FGF12: variants seen among roughly 807,000 people sequenced by gnomAD.
The protein encoded by FGF12 is fibroblast growth factor 12, also known as fibroblast growth factor 12B.
Under a neutral mutation model 23.6 loss-of-function variants are expected in FGF12, and 14 were observed. That is an observed-to-expected ratio of 0.59 (90% CI 0.39 to 0.93). The LOEUF (loss-of-function observed/expected upper bound fraction) is 0.93, where lower values mean the gene tolerates loss of function less well. Among genes scored for constraint, FGF12 ranks in the 40% least tolerant of loss-of-function variants. FGF12 has a pLI of 0.00. For synonymous variants in FGF12, 62 were observed against 77.3 expected, an observed-to-expected ratio of 0.80 and a Z score of 1.04; for missense variants, 175 against 217.8, an observed-to-expected ratio of 0.80 and a Z score of 1.24.
Position 192,251,481 on chromosome 3 carries a change from C to A in FGF12, c.229-80825G>T, listed in dbSNP as rs375644658. On this transcript the variant is annotated intron_variant, in intron 4 of 5. Transcript: ENST00000445105. The stretch of plus-strand genomic sequence containing the variant: ...TAGCCTATGACTGTGCAATTCTATT[C>A]TTATACAAAGTCCCAAGACAAATGA... Among the ~76,000 whole-genome samples, 39 of 152,218 alleles carry A rather than the reference C, an allele frequency of 2.6e-4. No individual in the cohort carries two copies. In the East Asian group the frequency reaches 7.5e-3, roughly 29 times the overall value.
chr3:192,707,981 A>G (rs990187958), intron 2 of FGF12, among the ~76,000 whole-genome samples: 1 of 151,534 alleles, frequency 6.6e-6, no homozygotes, highest in Non-Finnish European at 1.5e-5. Flanking sequence ...TATTTTTGAG[A>G]CGGAGTCTCG....
chr3:192,273,709 G>A (rs921552660), intron 4 of FGF12, among the ~76,000 whole-genome samples: 4 of 152,070 alleles, frequency 2.6e-5, no homozygotes, highest in Admixed American at 2.0e-4. Flanking sequence ...TCAAGGCTTC[G>A]GAAAATTTAC....
chr3:192,180,383 T>C (rs575728883), intron 4 of FGF12, among the ~76,000 whole-genome samples: 28 of 152,268 alleles, frequency 1.8e-4, no homozygotes, highest in African/African-American at 6.3e-4. Flanking sequence ...AGAGCAGATA[T>C]TGGAGGGGCA....
chr3:192,561,512 G>T (rs1487967552), intron 2 of FGF12, among the ~76,000 whole-genome samples: 1 of 152,038 alleles, frequency 6.6e-6, no homozygotes, highest in Non-Finnish European at 1.5e-5. Context: ...ACAGGCACCC[G>T]CCACCACGCC....
rs546795820 is a variant in FGF12 at position 192,225,247 on chromosome 3, T to C, written c.229-54591A>G. ...TCTCAAAACCTCAGTATGCTCATCC[T>C]CCTGCTCACTAGCCATCATCGCTCT... On this transcript the variant is annotated intron_variant, in intron 4 of 5. Coordinates refer to ENST00000445105, the MANE Select transcript of FGF12 (RefSeq NM_004113.6). 2.0e-4 allele frequency among the ~76,000 whole-genome samples: 31 copies of C among 152,262 alleles called. 3 individuals carry two copies. The South Asian group carries it at 6.2e-3, about 31-fold the overall frequency.
At chr3:192,543,015 C>T (rs1317372298) in intron 2 of FGF12, among the ~76,000 whole-genome samples, 1 of 152,062 alleles carries the variant, frequency 6.6e-6, no homozygotes, top group Non-Finnish European at 1.5e-5. Flanking sequence ...TGACTATCAC[C>T]TATGCTCACC....
At chr3:192,478,138 T>C (rs1397190251) in intron 2 of FGF12, among the ~76,000 whole-genome samples, 1 of 152,198 alleles carries the variant, frequency 6.6e-6, no homozygotes, top group Non-Finnish European at 1.5e-5. Flanking sequence ...TTTTGACCTT[T>C]TTAAGCAAAT....
intron 2 of FGF12, among the ~76,000 whole-genome samples, chr3:192,492,129 A>C (rs943475446): frequency 6.6e-6 from 1 of 152,164 alleles, no homozygotes; most frequent in African/African-American, 2.4e-5. Flanking sequence ...AAACTTTATA[A>C]AGGACACTTT....
chr3:192,173,839 T>G (rs1383676707), intron 4 of FGF12, among the ~76,000 whole-genome samples: 1 of 152,244 alleles, frequency 6.6e-6, no homozygotes, highest in African/African-American at 2.4e-5. Flanking sequence ...TCCTTATGAA[T>G]GTACATCACA....
chr3:192,234,795 T>C (rs892718538), intron 4 of FGF12, among the ~76,000 whole-genome samples: 1 of 152,202 alleles, frequency 6.6e-6, no homozygotes, highest in Middle Eastern at 3.2e-3. Flanking sequence ...TCTATTGAGA[T>C]GATCATGTAA....
At chr3:192,337,474 A>G (rs1261866029) in intron 3 of FGF12, among the ~76,000 whole-genome samples, 1 of 152,220 alleles carries the variant, frequency 6.6e-6, no homozygotes, top group East Asian at 1.9e-4. Flanking sequence ...AAATAAAATA[A>G]GGATAAATAA....
chr3:192,574,050 G>A (rs1274833054), intron 2 of FGF12, among the ~76,000 whole-genome samples: 1 of 152,208 alleles, frequency 6.6e-6, no homozygotes, highest in Non-Finnish European at 1.5e-5. Flanking sequence ...TGTCTTTCCT[G>A]TCCAGATTAA....
At chr3:192,278,194 A>T (rs1447173475) in intron 4 of FGF12, among the ~76,000 whole-genome samples, 1 of 152,230 alleles carries the variant, frequency 6.6e-6, no homozygotes, top group Non-Finnish European at 1.5e-5. Flanking sequence ...TTTAAATGAC[A>T]AACTTTGACT....
chr3:192,515,118 C>T (rs894234281), intron 2 of FGF12: 1 of 152,270 alleles, frequency 6.6e-6, no homozygotes, highest in African/African-American at 2.4e-5. Flanking sequence ...TCCTTGGCAC[C>T]TCCCCTGCTC....
At chr3:192,667,375 G>T (rs550301628) in intron 2 of FGF12, among the ~76,000 whole-genome samples, 1 of 151,944 alleles carries the variant, frequency 6.6e-6, no homozygotes, top group East Asian at 1.9e-4. Flanking sequence ...AGGCCAAAGC[G>T]GGTGGATCAC....
intron 2 of FGF12, among the ~76,000 whole-genome samples, chr3:192,371,388 C>T (rs1489448830): frequency 3.3e-5 from 5 of 152,214 alleles, no homozygotes; most frequent in Non-Finnish European, 2.9e-5. Flanking sequence ...AAACGAGCTG[C>T]ATGGTATCCA....
rs938848054 is a variant in FGF12 at position 192,408,842 on chromosome 3, G to A, written c.14-48304C>T. The A allele has an allele frequency of 1.0e-5, 10 of 985,468 alleles. No homozygotes were observed. The African/African-American group carries it at 1.2e-4, about 12-fold the overall frequency. The allele number at this position is 985,468 out of a possible 1,614,324, so 61.0% of individuals were successfully genotyped here. On this transcript the variant is annotated intron_variant, in intron 2 of 5. Coordinates refer to ENST00000445105, the MANE Select transcript of FGF12 (RefSeq NM_004113.6). This position sits in a 1 kb window ranked among gnomAD's most constrained non-coding sequence, Gnocchi z 7.3. ...GCAGCAATTTAACTCCCTGCGGCCCGCGGTTCTGAAGATTAGGAGGTCCGT... is the reference window on the plus strand; with the variant it reads ...GCAGCAATTTAACTCCCTGCGGCCCACGGTTCTGAAGATTAGGAGGTCCGT...
intron 2 of FGF12, among the ~76,000 whole-genome samples, chr3:192,522,786 T>G (rs1232633387): frequency 1.3e-5 from 2 of 152,184 alleles, no homozygotes; most frequent in African/African-American, 4.8e-5. Context: ...ATCTGTGAAA[T>G]TTATTACTGA....
chr3:192,376,811 T>C (rs867738948), intron 2 of FGF12, among the ~76,000 whole-genome samples: 19 of 152,314 alleles, frequency 1.2e-4, no homozygotes, highest in Middle Eastern at 3.4e-3. Flanking sequence ...AACTTGGGGG[T>C]ATGAATTATT....
Sources: gnomAD v4.1 joint callset for allele counts (sites outside exome capture counted in the v4.1 genomes callset) on GRCh38, gnomAD v4.1.1 for gene constraint, Gnocchi (gnomAD v3.1) non-coding constraint, MANE v1.5 for transcripts, NCBI Gene and HGNC (gene_info 2026-07-23, HGNC 2026-07-21) for gene names.